Variants in CELSR1 observed in about 807,000 individuals in gnomAD.
CELSR1 encodes the protein adhesion G protein-coupled receptor C1.
In CELSR1, 110 loss-of-function variants were observed where a neutral mutation model predicts 249.1. That is an observed-to-expected ratio of 0.44 (90% CI 0.38 to 0.52). The LOEUF (loss-of-function observed/expected upper bound fraction) is 0.52, where lower values mean the gene tolerates loss of function less well. Ranked by LOEUF, CELSR1 falls within the 20% of genes least tolerant of loss-of-function variation. The probability of loss-of-function intolerance (pLI) is 0.00; values close to 1 mark genes in which losing one functional copy is unlikely to be tolerated. For synonymous variants in CELSR1, 2,113 were observed against 1,900.0 expected (o/e 1.11, Z -2.92); for missense variants, 4,109 against 4,296.4 (o/e 0.96, Z 1.22).
intron 1 of CELSR1, among the ~76,000 whole-genome samples, chr22:46,486,230 C>T (rs571885569): frequency 6.6e-6 from 1 of 151,078 alleles, no homozygotes; most frequent in Admixed American, 6.6e-5. Flanking sequence ...TGAGCCACCG[C>T]GCCCGGCCTC....
At chr22:46,486,818 G>A (rs1254395056) in intron 1 of CELSR1, among the ~76,000 whole-genome samples, 1 of 152,166 alleles carries the variant, frequency 6.6e-6, no homozygotes, top group Admixed American at 6.5e-5. Flanking sequence ...ACTCCAGCCT[G>A]GGCGACAGAG....
intron 2 of CELSR1, chr22:46,462,753 T>G (rs1450388069): frequency 2.6e-5 from 7 of 274,080 alleles, no homozygotes; most frequent in Non-Finnish European, 5.2e-5. Flanking sequence ...CAAAGCAAGA[T>G]GTGCGCTGAG....
Position 46,402,601 on chromosome 22 carries a change from G to T in CELSR1, c.5227-2699C>A, listed in dbSNP as rs117419348. ...AATAGCCAAGTATACGAGGATATAA[G>T]GTAATATGCTTGAAAACCAAGAGAA... On this transcript the variant is annotated intron_variant, in intron 9 of 34. Coordinates refer to ENST00000674500, the MANE Select transcript of CELSR1 (RefSeq NM_001378328.1). This position sits in a 1 kb window ranked among gnomAD's most constrained non-coding sequence, Gnocchi z 5.0. 2.5e-3 allele frequency among the ~76,000 whole-genome samples: 374 copies of T among 152,232 alleles called. 10 individuals carry two copies. In the East Asian group the frequency reaches 0.066, roughly 27 times the overall value.
chr22:46,412,520 T>C lies in CELSR1; in HGVS notation c.4612-761A>G, dbSNP rs2079350253. 6.6e-6 allele frequency among the ~76,000 whole-genome samples: 1 copy of C among 152,168 alleles called. No homozygotes were observed. The highest frequency in any genetic ancestry group is 2.4e-5 in the African/African-American group (1 of 41,444). Reference sequence around the variant, plus strand: ...CCTCTAAGGCGTGGAACTCCCTCTCTGGGCCAGGATTGGGTACAAGAGTTC... The same window carrying C: ...CCTCTAAGGCGTGGAACTCCCTCTCCGGGCCAGGATTGGGTACAAGAGTTC... On this transcript the variant is annotated intron_variant, in intron 5 of 34. Coordinates refer to ENST00000674500, the MANE Select transcript of CELSR1 (RefSeq NM_001378328.1). The surrounding 1 kb of genome is among the most constrained non-coding windows in gnomAD (Gnocchi z 4.5).
chr22:46,366,551 G>C, intron 29 of CELSR1, 71 bp from the exon 30 acceptor site: 3 of 1,246,994 alleles, frequency 2.4e-6, no homozygotes, highest in Non-Finnish European at 3.4e-6. Context: ...GAATGACTCT[G>C]TCCCCACGGC....
In CELSR1 at chr22:46,500,893, G is replaced by C. The variant is rs923922979; in HGVS notation, c.3544+32734C>G. On this transcript the variant is annotated intron_variant, in intron 1 of 34. Coordinates refer to ENST00000674500, the MANE Select transcript of CELSR1 (RefSeq NM_001378328.1). This position sits in a 1 kb window ranked among gnomAD's most constrained non-coding sequence, Gnocchi z 4.9. ...TGTAAGCACGCCCATGATGGGACCC[G>C]AAAATCAGCCCATTTACATGCCAAG... Among the ~76,000 whole-genome samples, 1 of 152,088 alleles carries C rather than the reference G, an allele frequency of 6.6e-6. No homozygotes were observed. Among genetic ancestry groups the C allele is most frequent in the Non-Finnish European group, 1.5e-5 (1 of 68,006 alleles).
rs1205679775 is a variant in CELSR1, at chr22:46,535,206, G to A, written c.1965C>T (p.Phe655=). The A allele has an allele frequency of 1.5e-5, 24 of 1,609,370 alleles. No homozygotes were observed. Among genetic ancestry groups the A allele is most frequent in the Middle Eastern group, 1.7e-4 (1 of 6,054 alleles). ...AGCCGTGGTCCACCGCCTCCACCCC[G>A]AAGCTGTAGTGCTCCACCTCCTCGC... ...LDREEVEHYS[F]GVEAVDHGSP... is the part of the protein sequence containing the mutation. The change falls in exon 1 of 35, where the codon TTC becomes TTT. Residue 655 remains phenylalanine, a synonymous_variant. Transcript: ENST00000674500.
chr22:46,503,236 G>A (rs1389933466), intron 1 of CELSR1, among the ~76,000 whole-genome samples: 4 of 152,216 alleles, frequency 2.6e-5, no homozygotes, highest in African/African-American at 9.6e-5. Flanking sequence ...AATCCAACCT[G>A]CCTCGCTCCA....
chr22:46,517,311 A>C lies in CELSR1; in HGVS notation c.3544+16316T>G, dbSNP rs1476636339. ...CAGGAGGGAAGAGAGAATTCCTGCC[A>C]CAAATGCAATGGGTTTCCCGGGCCA... On this transcript the variant is annotated intron_variant, in intron 1 of 34. Coordinates refer to ENST00000674500, the MANE Select transcript of CELSR1 (RefSeq NM_001378328.1). The surrounding 1 kb of genome is among the most constrained non-coding windows in gnomAD (Gnocchi z 5.4). 6.6e-6 allele frequency among the ~76,000 whole-genome samples: 1 copy of C among 152,244 alleles called. No individual in the cohort carries two copies. The highest frequency in any genetic ancestry group is 1.5e-5 in the Non-Finnish European group (1 of 68,048).
intron 1 of CELSR1, among the ~76,000 whole-genome samples, chr22:46,504,113 T>C (rs1445203974): frequency 1.3e-5 from 2 of 152,168 alleles, no homozygotes; most frequent in African/African-American, 2.4e-5. Context: ...TTCAAAATTA[T>C]GAAAGATATT....
At chr22:46,392,468 G>A (rs2079104147) in intron 14 of CELSR1, among the ~76,000 whole-genome samples, 1 of 152,280 alleles carries the variant, frequency 6.6e-6, no homozygotes, top group Admixed American at 6.5e-5. Context: ...GACAGGCCCA[G>A]AAGAGATGCT....
intron 9 of CELSR1, among the ~76,000 whole-genome samples, chr22:46,404,431 A>G (rs1382801365): frequency 3.3e-5 from 5 of 152,192 alleles, no homozygotes; most frequent in Non-Finnish European, 5.9e-5. Flanking sequence ...AGAAAAAGAA[A>G]AAAGAAAAGA....
chr22:46,492,446 T>G (rs911480546), intron 1 of CELSR1, among the ~76,000 whole-genome samples: 2 of 152,186 alleles, frequency 1.3e-5, no homozygotes, highest in African/African-American at 4.8e-5. Context: ...CTCTTTTTTC[T>G]TTTCCATAAA....
In CELSR1 at chr22:46,454,460, C is replaced by T. The variant is rs112036846; in HGVS notation, c.4183+9247G>A. Among the ~76,000 whole-genome samples, 2,382 of 152,314 alleles carry T rather than the reference C, an allele frequency of 0.016. 50 individuals are homozygous for T. Among genetic ancestry groups the T allele is most frequent in the African/African-American group, 0.054 (2,239 of 41,562 alleles). ...AGACGCCCATGACCCGCAGCCAGCCCGGCCAGGCAGCCTTGTCTCCCCTCA... is the reference window on the plus strand; with the variant it reads ...AGACGCCCATGACCCGCAGCCAGCCTGGCCAGGCAGCCTTGTCTCCCCTCA... On this transcript the variant is annotated intron_variant, in intron 2 of 34. Transcript: ENST00000674500. The surrounding 1 kb of genome is among the most constrained non-coding windows in gnomAD (Gnocchi z 5.1).
Position 46,463,977 on chromosome 22 carries a change from T to C in CELSR1, c.3913A>G (p.Asn1305Asp). ...STQRVLPFDD[N>D]ICLREPCENY... is the part of the protein sequence containing the mutation. ...TCGCAGGGCTCGCGCAGGCAGATGTTGTCGTCGAAGGGCAGCACGCGCTGC... is the reference window on the plus strand; with the variant it reads ...TCGCAGGGCTCGCGCAGGCAGATGTCGTCGTCGAAGGGCAGCACGCGCTGC... Residue 1305 changes from asparagine to aspartate, a missense_variant, in exon 2 of 35, where the codon AAC (asparagine) becomes GAC (aspartate). Physicochemically the swap from Asn to Asp is conservative, Grantham distance 23 (BLOSUM62 1). Transcript: ENST00000674500. 6.2e-7 allele frequency: 1 copy of C among 1,613,950 alleles called. No individual in the cohort carries two copies. The highest frequency in any genetic ancestry group is 8.5e-7 in the Non-Finnish European group (1 of 1,180,034).
rs1049596898 is a variant in CELSR1 at position 46,423,336 on chromosome 22, C to T, written c.4611+10057G>A. ...ATCAAGACTCCATGCTGGCCAGGCG[C>T]GGTGGCTCACGCCTGTAATCCCAGC... On this transcript the variant is annotated intron_variant, in intron 5 of 34. Coordinates refer to ENST00000674500, the MANE Select transcript of CELSR1 (RefSeq NM_001378328.1). This position sits in a 1 kb window ranked among gnomAD's most constrained non-coding sequence, Gnocchi z 5.6. Among the ~76,000 whole-genome samples the T allele has an allele frequency of 2.0e-5, 3 of 152,062 alleles. No homozygotes were observed. Among genetic ancestry groups the T allele is most frequent in the Admixed American group, 1.3e-4 (2 of 15,264 alleles).
At position 46,441,612 on chromosome 22, in the gene CELSR1, G is replaced by A. The variant is rs376533134; in HGVS notation, c.4184-2201C>T. 5.3e-5 allele frequency among the ~76,000 whole-genome samples: 8 copies of A among 152,052 alleles called. No homozygotes were observed. The highest frequency in any genetic ancestry group is 2.1e-4 in the South Asian group (1 of 4,814). ...AGGTCTGTCTTTCTAGCTAGCAGAC[G>A]GTGCCTTCTTGCCGCATAAGGGAGA... On this transcript the variant is annotated intron_variant, in intron 2 of 34. Coordinates refer to ENST00000674500, the MANE Select transcript of CELSR1 (RefSeq NM_001378328.1). The surrounding 1 kb of genome is among the most constrained non-coding windows in gnomAD (Gnocchi z 6.1).
rs765139523 is a variant in CELSR1, at chr22:46,464,304, T to C, written c.3586A>G (p.Thr1196Ala). ...SVTAFCTLRV[T>A]IITDDMLTNS... ...GTCAGCATGTCGTCCGTGATGATGGTGACACGCAGGGTGCAGAAGGCCGTG... is the reference window on the plus strand; with the variant it reads ...GTCAGCATGTCGTCCGTGATGATGGCGACACGCAGGGTGCAGAAGGCCGTG... Residue 1196 changes from threonine to alanine, a missense_variant, in exon 2 of 35, where the codon ACC (threonine) becomes GCC (alanine). Physicochemically the swap from Thr to Ala is moderately conservative, Grantham distance 58. Transcript: ENST00000674500. This position sits in a 1 kb window ranked among gnomAD's most constrained non-coding sequence, Gnocchi z 8.5. 1.2e-6 allele frequency: 2 copies of C among 1,613,156 alleles called. No individual in the cohort carries two copies. Among genetic ancestry groups the C allele is most frequent in the Non-Finnish European group, 1.7e-6 (2 of 1,180,018 alleles).
chr22:46,425,207 T>G (rs1009333697), intron 5 of CELSR1, among the ~76,000 whole-genome samples: 1 of 152,226 alleles, frequency 6.6e-6, no homozygotes, highest in African/African-American at 2.4e-5. Flanking sequence ...GTGTGCAGGT[T>G]TCTGTGTCAA....
Sources: gnomAD v4.1 joint callset for allele counts (sites outside exome capture counted in the v4.1 genomes callset) on GRCh38, gnomAD v4.1.1 for gene constraint, Gnocchi (gnomAD v3.1) non-coding constraint, MANE v1.5 for transcripts, NCBI Gene and HGNC (gene_info 2026-07-23, HGNC 2026-07-21) for gene names.